The following AP1S2 variants were observed in gnomAD, a reference collection of about 807,000 sequenced individuals.
The protein encoded by AP1S2 is adaptor related protein complex 1 subunit sigma 2.
A neutral mutation model predicts 14.3 loss-of-function variants in AP1S2; 1 was observed. That is an observed-to-expected ratio of 0.07 (90% confidence interval 0.02 to 0.33). The LOEUF is 0.33. Among genes scored for constraint, AP1S2 ranks in the 10% least tolerant of loss-of-function variants. The probability of loss-of-function intolerance (pLI) is 0.99; values close to 1 mark genes in which losing one functional copy is unlikely to be tolerated. For synonymous variants in AP1S2, 30 were observed against 40.5 expected (o/e 0.74, Z 0.99); for missense variants, 30 against 117.7 (o/e 0.25, Z 3.45).
At chrX:15,851,961 A>G (rs1934192820) in intron 2 of AP1S2, among the ~76,000 whole-genome samples, 1 of 112,171 alleles carries the variant, frequency 8.9e-6, no homozygotes, top group Non-Finnish European at 1.9e-5. Flanking sequence ...TACTTTATAG[A>G]TTTTCGGGGA....
chrX:15,846,797 C>T (rs969607721), intron 2 of AP1S2, among the ~76,000 whole-genome samples: 1 of 111,960 alleles, frequency 8.9e-6, no homozygotes, highest in Admixed American at 9.5e-5. Flanking sequence ...TTACCAAGTT[C>T]TACACTGTTG....
intron 4 of AP1S2, chrX:15,833,180 A>C: frequency 1.3e-6 from 1 of 754,097 alleles, no homozygotes; most frequent in Non-Finnish European, 1.6e-6. Context: ...GTAAAAACCA[A>C]CCATCGAGAG....
At chrX:15,829,474 G>C (rs1933360816) in intron 4 of AP1S2, among the ~76,000 whole-genome samples, 1 of 111,510 alleles carries the variant, frequency 9.0e-6, no homozygotes, top group East Asian at 2.8e-4. Context: ...CGTGGAGCTG[G>C]TCAGACTTTT....
chrX:15,849,407 C>T (rs763508032), intron 2 of AP1S2, among the ~76,000 whole-genome samples: 66 of 112,620 alleles, frequency 5.9e-4, no homozygotes, highest in African/African-American at 2.1e-3. Context: ...GAAAACAAAC[C>T]ACCTGTTTAT....
chrX:15,852,884 A>G, intron 1 of AP1S2: 1 of 749,474 alleles, frequency 1.3e-6, no homozygotes, highest in South Asian at 6.8e-5. Flanking sequence ...TATATGCATC[A>G]AAAGAGAATG....
chrX:15,828,092 T>A, intron 5 of AP1S2, 100 bp downstream of exon 5: 3 of 604,557 alleles, frequency 5.0e-6, no homozygotes, highest in South Asian at 7.4e-5. Flanking sequence ...GGAGGCCAAC[T>A]TTCAGGTATT....
intron 4 of AP1S2, chrX:15,833,358 C>T: frequency 1.2e-6 from 1 of 853,261 alleles, no homozygotes; most frequent in Non-Finnish European, 1.4e-6. Context: ...CCTTTTACTG[C>T]TTTTAGGAAA....
At chrX:15,839,654 T>C (rs1933767574) in intron 4 of AP1S2, among the ~76,000 whole-genome samples, 2 of 108,406 alleles carry the variant, frequency 1.8e-5, no homozygotes, top group Non-Finnish European at 3.8e-5. Flanking sequence ...CTAGTCTTTT[T>C]TTTTTTCACT....
Position 15,845,522 on chromosome X carries a change from A to G in AP1S2, c.289-6T>C, listed in dbSNP as rs1933972680. ...ATGATATCTAGTTCACAGACCTGAA[A>G]AGGAAAAAAAAAAGAAAAAAGAAAA... is the stretch of plus-strand genomic sequence containing the variant. On this transcript the variant is annotated splice_region_variant and splice_polypyrimidine_tract_variant and intron_variant, in intron 3 of 5. Coordinates refer to ENST00000672987, the MANE Select transcript of AP1S2 (RefSeq NM_001272071.2). 2 of 1,196,052 alleles carry G rather than the reference A, an allele frequency of 1.7e-6. No homozygotes were observed. The highest frequency in any genetic ancestry group is 3.6e-5 in the African/African-American group (2 of 55,902).
At chrX:15,827,456 G>A in intron 5 of AP1S2, 84 bp from the exon 6 acceptor site, 1 of 893,114 alleles carries the variant, frequency 1.1e-6, no homozygotes, top group South Asian at 2.0e-5. Context: ...GAACATGCTT[G>A]TTTTAGAGAA....
In AP1S2 at chrX:15,837,647, G is replaced by A. The variant is rs1415736521; in HGVS notation, c.426+7732C>T. Among the ~76,000 whole-genome samples, 22 of 94,044 alleles carry A rather than the reference G, an allele frequency of 2.3e-4. No homozygotes were observed. In the Admixed American group the frequency reaches 2.5e-3, roughly 11 times the overall value. The allele number at this position is 94,044 out of a possible 115,157, so 81.7% of individuals were successfully genotyped here. A position where few individuals can be genotyped will look rare whatever the true frequency, so the allele number is the denominator to read the frequency against. ...TTTTGAGACGGAGTCTTACTCTGTC[G>A]CCAGGCTAGAGTGCAGTGGCGTTAT... On this transcript the variant is annotated intron_variant, in intron 4 of 5. Coordinates refer to ENST00000672987, the MANE Select transcript of AP1S2 (RefSeq NM_001272071.2).
At chrX:15,841,762 A>G (rs1933841921) in intron 4 of AP1S2, among the ~76,000 whole-genome samples, 1 of 112,109 alleles carries the variant, frequency 8.9e-6, no homozygotes, top group African/African-American at 3.2e-5. Flanking sequence ...ACACAGAAAA[A>G]CCTCTGGGAG....
At chrX:15,847,483 T>C (rs1934035178) in intron 2 of AP1S2, among the ~76,000 whole-genome samples, 1 of 111,728 alleles carries the variant, frequency 9.0e-6, no homozygotes, top group East Asian at 2.8e-4. Flanking sequence ...TCTACCTGAC[T>C]TCCACACTCA....
Position 15,826,491 on chromosome X carries a change from A to G in AP1S2, c.*834T>C, listed in dbSNP as rs1933263746. Reference sequence around the variant, plus strand: ...GCTTTAAACAATGACTTTACACATAATACTGTGAAGAGAGCAACACGTTTT... The same window carrying G: ...GCTTTAAACAATGACTTTACACATAGTACTGTGAAGAGAGCAACACGTTTT... On this transcript the variant is annotated 3_prime_UTR_variant, in exon 6 of 6. Transcript: ENST00000672987. 1 of 112,011 alleles carries G rather than the reference A, an allele frequency of 8.9e-6. No homozygotes were observed. Among genetic ancestry groups the G allele is most frequent in the Non-Finnish European group, 1.9e-5 (1 of 53,164 alleles). 9.2% of individuals were successfully genotyped at this position (112,011 alleles called of 1,213,427 possible).
intron 4 of AP1S2, among the ~76,000 whole-genome samples, chrX:15,836,085 A>G (rs771279111): frequency 1.8e-5 from 2 of 112,010 alleles, no homozygotes; most frequent in South Asian, 7.3e-4. Context: ...TGGTTGTACT[A>G]TAATTTTCTT....
At chrX:15,840,702 C>A in intron 4 of AP1S2, 1 of 371,784 alleles carries the variant, frequency 2.7e-6, no homozygotes, top group Non-Finnish European at 4.4e-6. Flanking sequence ...ATAAATCCAA[C>A]TACATCACCA....
At chrX:15,845,016 G>A (rs954905708) in intron 4 of AP1S2, 102 of 747,334 alleles carry the variant, frequency 1.4e-4, no homozygotes, top group Non-Finnish European at 1.6e-4. Flanking sequence ...ATGAAAAAGG[G>A]GGTTATCTTA....
chrX:15,833,470 C>G (rs1281953789), intron 4 of AP1S2: 3 of 891,481 alleles, frequency 3.4e-6, no homozygotes, highest in Middle Eastern at 6.6e-4. Context: ...GAATACTCTT[C>G]ATAGGGAGAA....
intron 2 of AP1S2, among the ~76,000 whole-genome samples, chrX:15,851,730 A>T (rs1370501039): frequency 8.9e-6 from 1 of 112,128 alleles, no homozygotes; most frequent in Non-Finnish European, 1.9e-5. Flanking sequence ...TCAAATTTTT[A>T]AAAAATCTGT....
Sources: allele counts gnomAD v4.1 joint callset (sites outside exome capture counted in the v4.1 genomes callset), GRCh38; gene constraint gnomAD v4.1.1; transcripts MANE v1.5; gene names NCBI Gene and HGNC (gene_info 2026-07-23, HGNC 2026-07-21).